Variants in CASP5 observed in about 807,000 individuals in gnomAD.
The protein encoded by CASP5 is caspase 5.
Under a neutral mutation model 45.2 loss-of-function variants are expected in CASP5, and 42 were observed. The ratio of observed to expected loss-of-function variants is 0.93; its 90% CI spans 0.73 to 1.20. The LOEUF (loss-of-function observed/expected upper bound fraction) is 1.20. Ranked by LOEUF, CASP5 falls within the 50% of genes most tolerant of loss-of-function variation. The pLI is 0.00. For synonymous variants in CASP5, 209 were observed against 186.2 expected (o/e 1.12, Z -1.00); for missense variants, 512 against 532.2 (o/e 0.96, Z 0.37).
chr11:105,000,137 A>G (rs776810101), intron 6 of CASP5, 124 bp downstream of exon 6: 17 of 1,002,522 alleles, frequency 1.7e-5, no homozygotes, highest in Non-Finnish European at 2.1e-5. Context: ...GAGTTTCTTC[A>G]TAATTCAATG....
At chr11:105,016,882 A>T (rs1454365642) in intron 1 of CASP5, among the ~76,000 whole-genome samples, 28 of 151,696 alleles carry the variant, frequency 1.8e-4, no homozygotes, top group Non-Finnish European at 3.5e-4. Context: ...GACAGCAGTA[A>T]CCTCTGCAGA....
At chr11:104,998,529 A>T (rs942376197) in intron 7 of CASP5, among the ~76,000 whole-genome samples, 1 of 152,162 alleles carries the variant, frequency 6.6e-6, no homozygotes, top group African/African-American at 2.4e-5. Flanking sequence ...CAGTACTGGG[A>T]TCCATAAAAC....
At chr11:105,005,478 T>C (rs938026939) in intron 3 of CASP5, among the ~76,000 whole-genome samples, 2 of 151,792 alleles carry the variant, frequency 1.3e-5, no homozygotes, top group African/African-American at 4.8e-5. Context: ...GAAACCCTCA[T>C]AATTATAACC....
At chr11:105,001,003 C>T (rs1158855599) in intron 5 of CASP5, among the ~76,000 whole-genome samples, 1 of 152,170 alleles carries the variant, frequency 6.6e-6, no homozygotes, top group Non-Finnish European at 1.5e-5. Context: ...TCACAGGTAG[C>T]GCCCCCTACT....
intron 1 of CASP5, among the ~76,000 whole-genome samples, chr11:105,010,744 A>ATTCAAC (rs1862311510): frequency 6.6e-6 from 1 of 151,596 alleles, no homozygotes; most frequent in Non-Finnish European, 1.5e-5. Context: ...GGCTTTCAGT[A>ATTCAAC]ATAATAATAT....
intron 5 of CASP5, 145 bp downstream of exon 5, chr11:105,001,883 T>TGCATGTGC: frequency 1.6e-6 from 1 of 641,106 alleles, no homozygotes; most frequent in South Asian, 2.3e-5. Flanking sequence ...CATTTGCTAG[T>TGCATGTGC]GCATGTGCGC....
At chr11:104,994,562 T>G (rs542123712) in intron 9 of CASP5, among the ~76,000 whole-genome samples, 5 of 152,342 alleles carry the variant, frequency 3.3e-5, no homozygotes, top group African/African-American at 1.2e-4. Context: ...TCCAAAGCAC[T>G]GGAAGGGTTT....
chr11:105,007,306 C>A lies in CASP5; in HGVS notation c.210G>T (p.Lys70Asn). The change falls in exon 3 of 10, where the codon AAG becomes AAT. Residue 70 changes from lysine to asparagine, a missense_variant. Transcript: ENST00000260315. ...CATCTTTGCCCAGGTATTCCAACAT[C>A]TTAACTGTTTTTTTTTTGTGGTTGT... ...KKDNHKKKTV[K>N]MLEYLGKDVL... The A allele has an allele frequency of 6.3e-7, 1 of 1,596,454 alleles. No individual in the cohort carries two copies. Among genetic ancestry groups the A allele is most frequent in the Non-Finnish European group, 8.5e-7 (1 of 1,176,238 alleles).
intron 3 of CASP5, among the ~76,000 whole-genome samples, chr11:105,006,313 T>A (rs1218721378): frequency 6.6e-6 from 1 of 152,318 alleles, no homozygotes; most frequent in South Asian, 2.1e-4. Context: ...CACTCTTTAT[T>A]GCATGCGTAT....
At chr11:104,995,638 C>T in intron 9 of CASP5, 102 bp downstream of exon 9, 1 of 691,372 alleles carries the variant, frequency 1.4e-6, no homozygotes. Context: ...ATAAAGAACA[C>T]TAACTTGACC....
At chr11:105,005,341 A>T (rs1314239586) in intron 3 of CASP5, among the ~76,000 whole-genome samples, 1 of 141,650 alleles carries the variant, frequency 7.1e-6, no homozygotes, top group Non-Finnish European at 1.5e-5. Flanking sequence ...ATCGGTATAT[A>T]GTGTGTATAT....
chr11:105,007,243 A>G lies in CASP5; in HGVS notation c.273T>C (p.Asp91=), dbSNP rs1295537694. Reference sequence around the variant, plus strand: ...TTTCCTCTTCCTTCAATGTCAGAACATCGTGTTTTGCCAAATAATTAAAAA... The same window carrying G: ...TTTCCTCTTCCTTCAATGTCAGAACGTCGTGTTTTGCCAAATAATTAAAAA... ...HGVFNYLAKH[D]VLTLKEEEKK... The change falls in exon 3 of 10, where the codon GAT becomes GAC. Residue 91 remains aspartate, a synonymous_variant. Coordinates refer to ENST00000260315, the MANE Select transcript of CASP5 (RefSeq NM_004347.5). The G allele has an allele frequency of 6.2e-7, 1 of 1,613,002 alleles. No homozygotes were observed. Among genetic ancestry groups the G allele is most frequent in the Non-Finnish European group, 8.5e-7 (1 of 1,179,748 alleles).
intron 1 of CASP5, among the ~76,000 whole-genome samples, chr11:105,019,397 A>G (rs1279349498): frequency 6.6e-6 from 1 of 150,396 alleles, no homozygotes; most frequent in Non-Finnish European, 1.5e-5. Flanking sequence ...AACAAAATTC[A>G]TAGACCGCTA....
intron 5 of CASP5, among the ~76,000 whole-genome samples, chr11:105,001,096 A>G (rs911654798): frequency 5.9e-5 from 9 of 152,180 alleles, no homozygotes; most frequent in Non-Finnish European, 1.5e-5. Context: ...CTCTCCCCAC[A>G]GAGGCTTTTC....
rs748551739 is a variant in CASP5, at chr11:105,008,993, T to C, written c.8-13A>G. 1.9e-6 allele frequency: 3 copies of C among 1,611,116 alleles called. No individual in the cohort carries two copies. The highest frequency in any genetic ancestry group is 1.3e-5 in the African/African-American group (1 of 74,742). ...TTGCCACTGTCTTCTATCAGAAATA[T>C]AAAGACTCCTTCAACTCTGGGCACA... On this transcript the variant is annotated splice_polypyrimidine_tract_variant and intron_variant, in intron 1 of 9. Coordinates refer to ENST00000260315, the MANE Select transcript of CASP5 (RefSeq NM_004347.5).
At chr11:105,011,223 T>C (rs1862330341) in intron 1 of CASP5, among the ~76,000 whole-genome samples, 1 of 151,826 alleles carries the variant, frequency 6.6e-6, no homozygotes, top group African/African-American at 2.4e-5. Flanking sequence ...CTATTTAACT[T>C]ACTTGCATGC....
At chr11:104,996,304 A>G (rs1861470050) in intron 8 of CASP5, among the ~76,000 whole-genome samples, 1 of 152,186 alleles carries the variant, frequency 6.6e-6, no homozygotes, top group Non-Finnish European at 1.5e-5. Flanking sequence ...AATCTTATGC[A>G]TGGACTGATC....
At position 105,007,311 on chromosome 11, in the gene CASP5, CT is replaced by C; in HGVS notation, c.204del (p.Val69LeufsTer25). ...TTGCCCAGGTATTCCAACATCTTAA[CT>C]GTTTTTTTTTTGTGGTTGTCTTCTG... Reference protein sequence around the residue: ...SVKKDNHKKKTVKMLEYLGKD... With the variant: ...SVKKDNHKKKXVKMLEYLGKD... On this transcript the variant is annotated frameshift_variant, in exon 3 of 10. Coordinates refer to ENST00000260315, the MANE Select transcript of CASP5 (RefSeq NM_004347.5). LOFTEE classifies it high-confidence loss of function. 3.1e-6 allele frequency: 5 copies of C among 1,596,810 alleles called. No homozygotes were observed. Among genetic ancestry groups the C allele is most frequent in the Non-Finnish European group, 4.3e-6 (5 of 1,176,442 alleles).
chr11:105,018,088 T>A (rs1862730598), intron 1 of CASP5, among the ~76,000 whole-genome samples: 1 of 150,900 alleles, frequency 6.6e-6, no homozygotes, highest in South Asian at 2.1e-4. Context: ...ATAAAATACT[T>A]TACAGACAAG....
Sources: allele counts gnomAD v4.1 joint callset (sites outside exome capture counted in the v4.1 genomes callset), GRCh38; gene constraint gnomAD v4.1.1; transcripts MANE v1.5; gene names NCBI Gene and HGNC (gene_info 2026-07-23, HGNC 2026-07-21).